The following ADGRL3 variants were observed in gnomAD, a reference collection of about 807,000 sequenced individuals.
The protein encoded by ADGRL3 is adhesion G protein-coupled receptor L3.
Under a neutral mutation model 153.5 loss-of-function variants are expected in ADGRL3, and 62 were observed. The ratio of observed to expected loss-of-function variants is 0.40; its 90% CI spans 0.33 to 0.50. The LOEUF (loss-of-function observed/expected upper bound fraction) is 0.50, where lower values mean the gene tolerates loss of function less well. Among genes scored for constraint, ADGRL3 ranks in the 20% least tolerant of loss-of-function variants. The pLI is 0.47. For synonymous variants in ADGRL3, 710 were observed against 672.5 expected (o/e 1.06, Z -0.86); for missense variants, 1,641 against 1,859.4 (o/e 0.88, Z 2.16).
intron 9 of ADGRL3, among the ~76,000 whole-genome samples, chr4:61,852,233 A>G (rs781165455): frequency 2.6e-5 from 4 of 152,244 alleles, no homozygotes; most frequent in Middle Eastern, 3.4e-3. Flanking sequence ...TTAGTAAAAT[A>G]AAAAACTGTT....
At chr4:62,006,981 T>G (rs964196689) in intron 21 of ADGRL3, among the ~76,000 whole-genome samples, 2 of 152,004 alleles carry the variant, frequency 1.3e-5, no homozygotes, top group Non-Finnish European at 2.9e-5. Flanking sequence ...GTTCAAAAGC[T>G]CAATAATGTC....
chr4:61,477,657 C>T (rs141533372), intron 2 of ADGRL3, among the ~76,000 whole-genome samples: 13 of 152,202 alleles, frequency 8.5e-5, no homozygotes, highest in African/African-American at 3.1e-4. Context: ...CTAATATTAT[C>T]TCCTCTTCAC....
chr4:61,625,972 T>C (rs565629666), intron 5 of ADGRL3, among the ~76,000 whole-genome samples: 18 of 152,226 alleles, frequency 1.2e-4, no homozygotes, highest in Non-Finnish European at 2.2e-4. Flanking sequence ...TGTGTAACTA[T>C]TAAGAACTCC....
At chr4:61,625,494 A>G (rs915942392) in intron 5 of ADGRL3, among the ~76,000 whole-genome samples, 1 of 152,138 alleles carries the variant, frequency 6.6e-6, no homozygotes, top group Non-Finnish European at 1.5e-5. Flanking sequence ...GTATGTATAT[A>G]TATCAGCACA....
chr4:61,362,867 A>T (rs1162449180), intron 1 of ADGRL3, among the ~76,000 whole-genome samples: 1 of 152,148 alleles, frequency 6.6e-6, no homozygotes, highest in African/African-American at 2.4e-5. Flanking sequence ...GATTTTGAAA[A>T]AAAACCTTCT....
intron 9 of ADGRL3, among the ~76,000 whole-genome samples, chr4:61,821,209 AC>A (rs2097753152): frequency 6.8e-6 from 1 of 147,200 alleles, no homozygotes; most frequent in South Asian, 2.2e-4. Context: ...AAAAAAAAAG[AC>A]ATTAACTTCT....
chr4:61,695,947 T>G (rs6831563), intron 6 of ADGRL3, among the ~76,000 whole-genome samples: 2,856 of 152,266 alleles, frequency 0.019, 75 homozygotes, highest in South Asian at 0.061. Flanking sequence ...ACCTTTCCTC[T>G]GCAGCTTCCT....
At chr4:61,218,663 G>C (rs1009838685) in intron 1 of ADGRL3, among the ~76,000 whole-genome samples, 1 of 152,010 alleles carries the variant, frequency 6.6e-6, no homozygotes, top group East Asian at 1.9e-4. Flanking sequence ...ACACAATTGT[G>C]ATAAAGATTA....
intron 6 of ADGRL3, among the ~76,000 whole-genome samples, chr4:61,716,709 G>A (rs571679465): frequency 3.3e-5 from 5 of 152,160 alleles, no homozygotes; most frequent in African/African-American, 1.2e-4. Context: ...CTAAACCGAG[G>A]GAGAAGATTC....
intron 2 of ADGRL3, among the ~76,000 whole-genome samples, chr4:61,394,317 A>G (rs2096845544): frequency 6.6e-6 from 1 of 152,026 alleles, no homozygotes; most frequent in Non-Finnish European, 1.5e-5. Context: ...TAAGATCTCT[A>G]AAGAGTGTAA....
At chr4:61,282,299 T>C (rs541909498) in intron 1 of ADGRL3, among the ~76,000 whole-genome samples, 1 of 151,992 alleles carries the variant, frequency 6.6e-6, no homozygotes, top group Non-Finnish European at 1.5e-5. Flanking sequence ...TTGAAAAAGG[T>C]AAGTCTCATA....
chr4:61,345,500 GT>G (rs2095881613), intron 1 of ADGRL3, among the ~76,000 whole-genome samples: 2 of 152,244 alleles, frequency 1.3e-5, no homozygotes, highest in African/African-American at 4.8e-5. Flanking sequence ...TATAGAAAGT[GT>G]TTTGTAAGAC....
intron 17 of ADGRL3, among the ~76,000 whole-genome samples, chr4:61,971,714 A>G (rs2099028539): frequency 6.6e-6 from 1 of 152,086 alleles, no homozygotes; most frequent in Non-Finnish European, 1.5e-5. Flanking sequence ...CTAGTTCTAG[A>G]TCCCTGAGGA....
intron 3 of ADGRL3, among the ~76,000 whole-genome samples, chr4:61,505,975 C>T (rs1020969695): frequency 6.6e-6 from 1 of 152,034 alleles, no homozygotes; most frequent in African/African-American, 2.4e-5. Flanking sequence ...GGAAGCATTG[C>T]TTACATGAAG....
intron 21 of ADGRL3, among the ~76,000 whole-genome samples, chr4:61,999,995 A>G (rs915587953): frequency 6.6e-6 from 1 of 152,064 alleles, no homozygotes; most frequent in African/African-American, 2.4e-5. Context: ...TTCTTAGACT[A>G]TTTGTTCCTG....
intron 9 of ADGRL3, among the ~76,000 whole-genome samples, chr4:61,857,755 A>T (rs2098294438): frequency 6.9e-6 from 1 of 145,268 alleles, no homozygotes; most frequent in African/African-American, 2.7e-5. Context: ...TGCAGTCAAA[A>T]TCTTGCTGTG....
At chr4:61,626,765 C>T (rs4309866) in intron 5 of ADGRL3, among the ~76,000 whole-genome samples, 149,754 of 152,136 alleles carry the variant, frequency 0.98, 73,744 homozygotes, top group East Asian at 1. Flanking sequence ...CTCCTGAGTT[C>T]TACTATTTTA....
At chr4:61,214,724 C>T (rs1337617105) in intron 1 of ADGRL3, among the ~76,000 whole-genome samples, 1 of 152,004 alleles carries the variant, frequency 6.6e-6, no homozygotes. Flanking sequence ...TCGCTTGAAC[C>T]CAGGAGTCGG....
Position 61,657,819 on chromosome 4 carries a change from T to C in ADGRL3, c.474-19007T>C, listed in dbSNP as rs78792061. ...GAAAACCAAATGAATGCCCAAGTTA[T>C]TCCTTTTGACATCAGAGGTTGAGAT... On this transcript the variant is annotated intron_variant, in intron 5 of 26. Coordinates refer to ENST00000683033, the MANE Select transcript of ADGRL3 (RefSeq NM_001387552.1). Among the ~76,000 whole-genome samples the C allele has an allele frequency of 3.9e-3, 596 of 152,342 alleles. 5 individuals are homozygous for C. The highest frequency in any genetic ancestry group is 5.2e-3 in the Non-Finnish European group (354 of 68,018).
Sources: gnomAD v4.1 joint callset for allele counts (sites outside exome capture counted in the v4.1 genomes callset) on GRCh38, gnomAD v4.1.1 for gene constraint, MANE v1.5 for transcripts, NCBI Gene and HGNC (gene_info 2026-07-23, HGNC 2026-07-21) for gene names.